Variants in NRG1 observed in about 807,000 individuals in gnomAD.
NRG1 encodes the protein pro-neuregulin-1, membrane-bound isoform.
NRG1 carries 18 observed loss-of-function variants against 63.8 expected under a neutral mutation model. That is an observed-to-expected ratio of 0.28 (90% confidence interval 0.19 to 0.42). The LOEUF is 0.42. Ranked by LOEUF, NRG1 falls within the 10% of genes least tolerant of loss-of-function variation. The pLI is 1.00. For synonymous variants in NRG1, 302 were observed against 301.3 expected (o/e 1.00, Z -0.02); for missense variants, 762 against 814.7 (o/e 0.94, Z 0.79).
chr8:32,514,207 C>T (rs985192559), intron 1 of NRG1, among the ~76,000 whole-genome samples: 4 of 152,012 alleles, frequency 2.6e-5, no homozygotes, highest in East Asian at 1.9e-4. Context: ...CAGTCTTTTC[C>T]GAAAATGCAA....
At chr8:32,380,526 CAGA>C (rs1810215765) in intron 1 of NRG1, among the ~76,000 whole-genome samples, 1 of 152,072 alleles carries the variant, frequency 6.6e-6, no homozygotes, top group Non-Finnish European at 1.5e-5. Context: ...CTTGGATGTC[CAGA>C]AGATTTCTCA....
chr8:32,534,278 CTAGT>C (rs1831744842), intron 1 of NRG1, among the ~76,000 whole-genome samples: 2 of 152,194 alleles, frequency 1.3e-5, no homozygotes, highest in South Asian at 4.2e-4. Context: ...GCAAAAACAG[CTAGT>C]TAGTCAAAGG....
At chr8:32,118,577 A>C (rs1015690170) in intron 1 of NRG1, among the ~76,000 whole-genome samples, 3 of 152,156 alleles carry the variant, frequency 2.0e-5, no homozygotes, top group Non-Finnish European at 2.9e-5. Context: ...GGACGAAGAC[A>C]GTACTGATTA....
At chr8:32,314,745 C>G (rs2129476175) in intron 1 of NRG1, among the ~76,000 whole-genome samples, 1 of 152,300 alleles carries the variant, frequency 6.6e-6, no homozygotes, top group South Asian at 2.1e-4. Flanking sequence ...TTCATGAGCA[C>G]CAAGAGGAAG....
chr8:31,953,703 C>T (rs958618834), intron 1 of NRG1, among the ~76,000 whole-genome samples: 8 of 152,092 alleles, frequency 5.3e-5, no homozygotes, highest in South Asian at 2.1e-4. Context: ...TGATATTTTT[C>T]GCAAATAAGG....
chr8:32,325,994 T>C (rs1362393756), intron 1 of NRG1, among the ~76,000 whole-genome samples: 1 of 150,808 alleles, frequency 6.6e-6, no homozygotes, highest in Non-Finnish European at 1.5e-5. Flanking sequence ...TGATGTTTTC[T>C]CTTCACATCA....
chr8:32,513,671 G>A (rs757238118), intron 1 of NRG1, among the ~76,000 whole-genome samples: 6 of 152,088 alleles, frequency 3.9e-5, no homozygotes, highest in South Asian at 2.1e-4. Flanking sequence ...AAAAGTATCC[G>A]TATCATTTTT....
At chr8:32,367,765 G>A (rs562497942) in intron 1 of NRG1, among the ~76,000 whole-genome samples, 1 of 152,094 alleles carries the variant, frequency 6.6e-6, no homozygotes, top group Non-Finnish European at 1.5e-5. Context: ...ACATCCTGAA[G>A]TGTTTTCCCT....
At chr8:32,230,401 C>T (rs962455358) in intron 1 of NRG1, among the ~76,000 whole-genome samples, 2 of 152,160 alleles carry the variant, frequency 1.3e-5, no homozygotes, top group African/African-American at 4.8e-5. Flanking sequence ...TTGCTCTCTT[C>T]CTGCCACCCC....
At chr8:32,378,912 T>G (rs937156482) in intron 1 of NRG1, among the ~76,000 whole-genome samples, 1 of 152,052 alleles carries the variant, frequency 6.6e-6, no homozygotes, top group Non-Finnish European at 1.5e-5. Context: ...GAATGATGGT[T>G]TCCAGTTTCA....
intron 1 of NRG1, among the ~76,000 whole-genome samples, chr8:32,013,066 A>G (rs1273003988): frequency 6.6e-6 from 1 of 152,110 alleles, no homozygotes; most frequent in Admixed American, 6.6e-5. Flanking sequence ...CCAAACTGTC[A>G]TCAGGGAAGA....
chr8:32,275,084 A>G (rs1054620117), intron 1 of NRG1, among the ~76,000 whole-genome samples: 1 of 152,088 alleles, frequency 6.6e-6, no homozygotes, highest in Non-Finnish European at 1.5e-5. Flanking sequence ...ATTTCCAGGC[A>G]GCCTGGAAGA....
intron 1 of NRG1, among the ~76,000 whole-genome samples, chr8:32,285,127 T>C (rs2129473571): frequency 6.6e-6 from 1 of 152,336 alleles, no homozygotes; most frequent in African/African-American, 2.4e-5. Context: ...TAAATCTTGT[T>C]CAGGCTCTGT....
chr8:32,317,297 T>A (rs1395133433), intron 1 of NRG1, among the ~76,000 whole-genome samples: 1 of 152,222 alleles, frequency 6.6e-6, no homozygotes, highest in Non-Finnish European at 1.5e-5. Flanking sequence ...GGTTCTGATT[T>A]GGTTTTTAAT....
intron 1 of NRG1, among the ~76,000 whole-genome samples, chr8:31,989,875 T>C (rs953517033): frequency 6.6e-6 from 1 of 152,154 alleles, no homozygotes; most frequent in Non-Finnish European, 1.5e-5. Context: ...GTACTTTCCA[T>C]GTTGGACTTT....
intron 1 of NRG1, among the ~76,000 whole-genome samples, chr8:32,259,361 G>A (rs1441407549): frequency 6.6e-6 from 1 of 152,124 alleles, no homozygotes; most frequent in Non-Finnish European, 1.5e-5. Flanking sequence ...ACAGGAGTGG[G>A]TTAGTTATTG....
chr8:31,826,371 C>T (rs1469763308), intron 1 of NRG1, among the ~76,000 whole-genome samples: 3 of 151,996 alleles, frequency 2.0e-5, no homozygotes, highest in Admixed American at 6.5e-5. Context: ...GTGCTGTTCT[C>T]GTGATAGTAA....
intron 1 of NRG1, among the ~76,000 whole-genome samples, chr8:32,269,559 C>G (rs1275395680): frequency 2.0e-5 from 3 of 152,126 alleles, no homozygotes; most frequent in Non-Finnish European, 1.5e-5. Flanking sequence ...GCAGCAGCTT[C>G]CCTGTGCCAG....
intron 1 of NRG1, among the ~76,000 whole-genome samples, chr8:31,751,662 GACAGACTT>G (rs1477044544): frequency 9.2e-5 from 14 of 151,994 alleles, no homozygotes; most frequent in African/African-American, 3.4e-4. Context: ...TGTGGACACA[GACAGACTT>G]TCACTTCAAT....
Sources: gnomAD v4.1 joint callset for allele counts (sites outside exome capture counted in the v4.1 genomes callset) on GRCh38, gnomAD v4.1.1 for gene constraint, MANE v1.5 for transcripts, NCBI Gene and HGNC (gene_info 2026-07-23, HGNC 2026-07-21) for gene names.